The following ESR1 variants were observed in gnomAD, a reference collection of about 807,000 sequenced individuals.
ESR1 encodes the protein estrogen receptor 1.
ESR1 carries 12 observed loss-of-function variants against 52.7 expected under a neutral mutation model. That is an observed-to-expected ratio of 0.23 (90% CI 0.15 to 0.37). The LOEUF (loss-of-function observed/expected upper bound fraction) is 0.37. Ranked by LOEUF, ESR1 falls within the 10% of genes least tolerant of loss-of-function variation. The pLI is 1.00. For synonymous variants in ESR1, 305 were observed against 316.8 expected (o/e 0.96, Z 0.39); for missense variants, 584 against 779.7 (o/e 0.75, Z 2.99).
chr6:151,780,759 G>C (rs184457906), intron 2 of ESR1, among the ~76,000 whole-genome samples: 119 of 152,294 alleles, frequency 7.8e-4, no homozygotes, highest in Admixed American at 6.1e-3. Flanking sequence ...TCTCAGGAGA[G>C]CATTTGGTGT....
At chr6:151,695,826 G>C (rs111759720) in intron 1 of ESR1, among the ~76,000 whole-genome samples, 1 of 152,086 alleles carries the variant, frequency 6.6e-6, no homozygotes, top group African/African-American at 2.4e-5. Flanking sequence ...AAAGATAATT[G>C]CATCACATAT....
At chr6:152,022,667 T>C (rs1395427166) in intron 5 of ESR1, among the ~76,000 whole-genome samples, 1 of 151,818 alleles carries the variant, frequency 6.6e-6, no homozygotes. Context: ...AAAGGAAGGG[T>C]GTCTTTCAAA....
chr6:151,678,114 T>C (rs558141959), intron 1 of ESR1, among the ~76,000 whole-genome samples: 2 of 152,260 alleles, frequency 1.3e-5, no homozygotes, highest in African/African-American at 2.4e-5. Flanking sequence ...GTAAAAAAGA[T>C]GAATCCAACC....
intron 4 of ESR1, among the ~76,000 whole-genome samples, chr6:151,969,215 C>T (rs1385142503): frequency 6.6e-6 from 1 of 152,144 alleles, no homozygotes; most frequent in African/African-American, 2.4e-5. Context: ...CTGTGCCAAT[C>T]CATCCCATCT....
chr6:151,725,322 G>C (rs1781760800), intron 2 of ESR1, among the ~76,000 whole-genome samples: 2 of 152,152 alleles, frequency 1.3e-5, no homozygotes, highest in South Asian at 4.1e-4. Flanking sequence ...GTGGTTGTGG[G>C]GGGCAGGGGG....
Position 151,835,586 on chromosome 6 carries a change from A to G in ESR1, c.453-7011A>G, listed in dbSNP as rs542858292. Among the ~76,000 whole-genome samples the G allele has an allele frequency of 2.0e-5, 3 of 152,344 alleles. No individual in the cohort carries two copies. In the South Asian group the frequency reaches 6.2e-4, roughly 32 times the overall value. ...ACCCCTGTGAACTGTAATACTTAAGATAAGTCGTATAAATTGTCTGGAACT... is the reference window on the plus strand; with the variant it reads ...ACCCCTGTGAACTGTAATACTTAAGGTAAGTCGTATAAATTGTCTGGAACT... On this transcript the variant is annotated intron_variant, in intron 1 of 7. Coordinates refer to ENST00000206249, the MANE Select transcript of ESR1 (RefSeq NM_000125.4).
At chr6:151,848,630 A>G (rs1189879063) in intron 2 of ESR1, among the ~76,000 whole-genome samples, 5 of 152,088 alleles carry the variant, frequency 3.3e-5, no homozygotes, top group Non-Finnish European at 7.4e-5. Flanking sequence ...ATGTCTGGAA[A>G]AGGTTAGAGA....
chr6:151,868,349 A>T (rs1790344565), intron 2 of ESR1, among the ~76,000 whole-genome samples: 1 of 152,042 alleles, frequency 6.6e-6, no homozygotes, highest in African/African-American at 2.4e-5. Context: ...GCTGGTTTTG[A>T]ACTCCTGACC....
chr6:151,723,857 A>G (rs1781641653), intron 2 of ESR1, among the ~76,000 whole-genome samples: 1 of 152,186 alleles, frequency 6.6e-6, no homozygotes, highest in East Asian at 1.9e-4. Context: ...GTGACAGAGC[A>G]AGACTCCATC....
upstream of ESR1, chr6:151,690,407 C>T (rs1052421389): frequency 2.6e-5 from 4 of 152,122 alleles, no homozygotes; most frequent in Non-Finnish European, 5.9e-5. Context: ...AAGGCCACCC[C>T]CTCCTCTATT....
At chr6:151,878,469 T>C (rs1436568627) in intron 2 of ESR1, among the ~76,000 whole-genome samples, 1 of 152,220 alleles carries the variant, frequency 6.6e-6, no homozygotes, top group Non-Finnish European at 1.5e-5. Context: ...ACTTTTATAA[T>C]GTATATTTAA....
chr6:151,771,330 G>A (rs1218933000), intron 2 of ESR1, among the ~76,000 whole-genome samples: 1 of 152,146 alleles, frequency 6.6e-6, no homozygotes, highest in African/African-American at 2.4e-5. Flanking sequence ...GGCACTTGGA[G>A]GCAATGAAAA....
upstream of ESR1, among the ~76,000 whole-genome samples, chr6:151,687,645 C>T (rs3020331): frequency 0.38 from 57,557 of 151,968 alleles, 11,388 homozygotes; most frequent in Non-Finnish European, 0.43. Flanking sequence ...CAGATTGCAT[C>T]CATTTTCTGC....
At chr6:151,695,388 C>A (rs1038770232) in intron 1 of ESR1, among the ~76,000 whole-genome samples, 5 of 152,190 alleles carry the variant, frequency 3.3e-5, no homozygotes, top group Admixed American at 3.3e-4. Flanking sequence ...CAGGCCCCAA[C>A]AAGTTGACAA....
chr6:151,904,361 G>T (rs2128415925), intron 3 of ESR1, among the ~76,000 whole-genome samples: 1 of 152,274 alleles, frequency 6.6e-6, no homozygotes, highest in Non-Finnish European at 1.5e-5. Flanking sequence ...GAATAATTTT[G>T]TTAGCAGCTG....
chr6:152,023,427 C>T (rs2043853188), intron 5 of ESR1, among the ~76,000 whole-genome samples: 1 of 152,184 alleles, frequency 6.6e-6, no homozygotes, highest in South Asian at 2.1e-4. Context: ...AATCTCATTT[C>T]ATTTTGTCCT....
At chr6:152,083,431 G>T (rs1310467441) in intron 6 of ESR1, among the ~76,000 whole-genome samples, 1 of 152,122 alleles carries the variant, frequency 6.6e-6, no homozygotes, top group Admixed American at 6.6e-5. Context: ...GCTGAAACTG[G>T]ATCCCTTCCT....
chr6:152,118,599 G>A (rs1056720479), intron 6 of ESR1, among the ~76,000 whole-genome samples: 16 of 151,248 alleles, frequency 1.1e-4, no homozygotes, highest in South Asian at 4.2e-4. Flanking sequence ...GGCCTGTCAG[G>A]GGGGTAGGAG....
chr6:151,699,657 T>C (rs1779621501), intron 1 of ESR1, among the ~76,000 whole-genome samples: 1 of 152,226 alleles, frequency 6.6e-6, no homozygotes, highest in African/African-American at 2.4e-5. Flanking sequence ...GAGTTCGTGT[T>C]AATGAAGAAA....
Sources: gnomAD v4.1 joint callset for allele counts (sites outside exome capture counted in the v4.1 genomes callset) on GRCh38, gnomAD v4.1.1 for gene constraint, MANE v1.5 for transcripts, NCBI Gene and HGNC (gene_info 2026-07-23, HGNC 2026-07-21) for gene names.